The following TRPC6 variants were observed in gnomAD, a reference collection of about 807,000 sequenced individuals.
TRPC6 encodes transient receptor potential cation channel subfamily C member 6, also known as short transient receptor potential channel 6.
In TRPC6, 55 loss-of-function variants were observed where a neutral mutation model predicts 90.7. The observed-to-expected ratio is 0.61, with a 90% CI of 0.49 to 0.76. The LOEUF (loss-of-function observed/expected upper bound fraction) is 0.76. TRPC6 is among the 30% of genes least tolerant of loss of function. TRPC6 has a pLI of 0.00. For synonymous variants in TRPC6, 393 were observed against 393.0 expected, an observed-to-expected ratio of 1.00 and a Z score of 0.00; for missense variants, 989 against 1,122.7, an observed-to-expected ratio of 0.88 and a Z score of 1.70.
Position 101,472,096 on chromosome 11 carries a change from A to C in TRPC6, c.2205+41T>G, listed in dbSNP as rs1006245458. On this transcript the variant is annotated intron_variant, in intron 8 of 12. Transcript: ENST00000344327. ...CTGAGTTAGCCCTTGGAATAGTTAA[A>C]ACATGAAGGCACAAATTATAAAAAT... is the stretch of plus-strand genomic sequence containing the variant. 6 of 1,595,936 alleles carry C rather than the reference A, an allele frequency of 3.8e-6. No individual in the cohort carries two copies. In the Admixed American group the frequency reaches 1.0e-4, roughly 27 times the overall value.
chr11:101,558,258 C>CATGTATATAT (rs1861615585), intron 1 of TRPC6, among the ~76,000 whole-genome samples: 1 of 133,040 alleles, frequency 7.5e-6, no homozygotes, highest in Admixed American at 7.3e-5. Context: ...TATATGTATA[C>CATGTATATAT]ATGTATATGG....
At chr11:101,574,472 C>G (rs1862033517) in intron 1 of TRPC6, among the ~76,000 whole-genome samples, 1 of 151,218 alleles carries the variant, frequency 6.6e-6, no homozygotes, top group Admixed American at 6.6e-5. Context: ...GCTTAGACTT[C>G]ATGCTATATG....
rs752173839 is a variant in TRPC6, at chr11:101,452,987, T to C, written c.2764A>G (p.Met922Val). The C allele has an allele frequency of 8.1e-6, 13 of 1,613,978 alleles. 1 individual carries two copies. The South Asian group carries it at 1.3e-4, about 16-fold the overall frequency. The change falls in exon 13 of 13, where the codon ATG (methionine) becomes GTG (valine). Residue 922 changes from methionine (M) to valine (V), a missense_variant. Coordinates refer to ENST00000344327, the MANE Select transcript of TRPC6 (RefSeq NM_004621.6). ...LIRELGEKLS[M>V]EPNQEETNR ...TTGGTTTCCTCTTGATTTGGTTCCA[T>C]GGATAATTTCTCTCCAAGTTCTCTA... is the stretch of plus-strand genomic sequence containing the variant.
intron 11 of TRPC6, 101 bp from the exon 12 acceptor site, chr11:101,453,826 T>G: frequency 9.5e-7 from 1 of 1,051,092 alleles, no homozygotes. Flanking sequence ...AGTGAGCCCT[T>G]TGGAAGTGAT....
intron 4 of TRPC6, among the ~76,000 whole-genome samples, chr11:101,487,296 T>A (rs1859698545): frequency 6.6e-6 from 1 of 152,128 alleles, no homozygotes; most frequent in South Asian, 2.1e-4. Context: ...AAATCTCAGA[T>A]GACTCAGGAA....
At chr11:101,562,766 A>G (rs1451406926) in intron 1 of TRPC6, among the ~76,000 whole-genome samples, 2 of 152,174 alleles carry the variant, frequency 1.3e-5, no homozygotes, top group Non-Finnish European at 2.9e-5. Flanking sequence ...CTAAGAATAT[A>G]AACTCTGGAT....
intron 3 of TRPC6, among the ~76,000 whole-genome samples, chr11:101,491,106 A>G (rs1054973416): frequency 2.0e-5 from 3 of 152,204 alleles, no homozygotes; most frequent in Admixed American, 2.0e-4. Context: ...CACAATTAGT[A>G]CAGATGCTTA....
chr11:101,520,888 G>A (rs1229090176), intron 1 of TRPC6, among the ~76,000 whole-genome samples: 1 of 152,174 alleles, frequency 6.6e-6, no homozygotes, highest in Non-Finnish European at 1.5e-5. Context: ...AAGCAGCAAA[G>A]CATTCAAGAT....
At chr11:101,548,263 A>ATATATATATATATAATT (rs1477283991) in intron 1 of TRPC6, among the ~76,000 whole-genome samples, 968 of 82,728 alleles carry the variant, frequency 0.012, 15 homozygotes, top group African/African-American at 0.044. Flanking sequence ...ATATATATAC[A>ATATATATATATATAATT]TATATATATA....
At chr11:101,521,351 T>A (rs899646860) in intron 1 of TRPC6, among the ~76,000 whole-genome samples, 4 of 152,192 alleles carry the variant, frequency 2.6e-5, no homozygotes, top group African/African-American at 9.6e-5. Flanking sequence ...ACCATAAGCC[T>A]TGGTGGCTTC....
chr11:101,579,307 A>G (rs1459156182), intron 1 of TRPC6, among the ~76,000 whole-genome samples: 1 of 151,640 alleles, frequency 6.6e-6, no homozygotes, highest in Non-Finnish European at 1.5e-5. Flanking sequence ...GGTTTGATTT[A>G]TTCTTTTATA....
chr11:101,493,346 C>T (rs1296429644), intron 2 of TRPC6, among the ~76,000 whole-genome samples: 1 of 152,134 alleles, frequency 6.6e-6, no homozygotes, highest in Admixed American at 6.5e-5. Flanking sequence ...GGCCTCATGT[C>T]CAACCCACAT....
At chr11:101,482,498 G>T (rs555166832) in intron 5 of TRPC6, among the ~76,000 whole-genome samples, 3 of 152,290 alleles carry the variant, frequency 2.0e-5, no homozygotes, top group South Asian at 4.1e-4. Flanking sequence ...GAGGTGCAAA[G>T]AAATGATGTG....
intron 2 of TRPC6, among the ~76,000 whole-genome samples, chr11:101,496,831 A>AT (rs1272635893): frequency 6.6e-6 from 1 of 152,154 alleles, no homozygotes; most frequent in African/African-American, 2.4e-5. Context: ...TGAGAATGAG[A>AT]TTTTCTCTGC....
At chr11:101,458,365 T>C (rs538339922) in intron 10 of TRPC6, among the ~76,000 whole-genome samples, 1 of 152,310 alleles carries the variant, frequency 6.6e-6, no homozygotes, top group East Asian at 1.9e-4. Flanking sequence ...CAGATGAGCA[T>C]TATAACCTCC....
chr11:101,515,227 T>C (rs1266482810), intron 1 of TRPC6, among the ~76,000 whole-genome samples: 8 of 152,248 alleles, frequency 5.3e-5, no homozygotes, highest in Non-Finnish European at 1.2e-4. Context: ...ATGGCTTCTC[T>C]TCCTTTAATG....
intron 1 of TRPC6, among the ~76,000 whole-genome samples, chr11:101,517,385 T>C (rs564187302): frequency 6.6e-6 from 1 of 152,364 alleles, no homozygotes; most frequent in East Asian, 1.9e-4. Flanking sequence ...TTGTTTTCAG[T>C]CTTTACAGAT....
At chr11:101,532,592 C>T (rs915542537) in intron 1 of TRPC6, among the ~76,000 whole-genome samples, 5 of 152,192 alleles carry the variant, frequency 3.3e-5, no homozygotes, top group East Asian at 1.9e-4. Context: ...TAACTGGGAG[C>T]GGACAATGTA....
chr11:101,469,529 A>G (rs1381812848), intron 9 of TRPC6, 28 bp from the exon 10 acceptor site: 1 of 729,846 alleles, frequency 1.4e-6, no homozygotes, highest in East Asian at 2.5e-5. Context: ...TAAAATGAGT[A>G]TAACTGCATA....
Sources: gnomAD v4.1 joint callset for allele counts (sites outside exome capture counted in the v4.1 genomes callset) on GRCh38, gnomAD v4.1.1 for gene constraint, MANE v1.5 for transcripts, NCBI Gene and HGNC (gene_info 2026-07-23, HGNC 2026-07-21) for gene names.